GPC6: variants seen among roughly 807,000 people sequenced by gnomAD.
GPC6 encodes glypican-6.
GPC6 carries 14 observed loss-of-function variants against 55.2 expected under a neutral mutation model. The ratio of observed to expected loss-of-function variants is 0.25; its 90% confidence interval spans 0.17 to 0.40. The LOEUF is 0.40. Among genes scored for constraint, GPC6 ranks in the 10% least tolerant of loss-of-function variants. The pLI, the probability that GPC6 is intolerant of heterozygous loss-of-function variation, is 1.00. For missense variants in GPC6, 641 were observed against 708.5 expected, an observed-to-expected ratio of 0.90 and a Z score of 1.08; for synonymous variants, 278 against 259.6, an observed-to-expected ratio of 1.07 and a Z score of -0.68.
intron 2 of GPC6, among the ~76,000 whole-genome samples, chr13:93,694,629 A>G (rs906593621): frequency 3.9e-5 from 6 of 152,262 alleles, no homozygotes; most frequent in African/African-American, 1.2e-4. Flanking sequence ...GTTACACATC[A>G]CTGGTGGCCT....
chr13:93,305,906 C>G (rs1049323389), intron 1 of GPC6, among the ~76,000 whole-genome samples: 1 of 152,110 alleles, frequency 6.6e-6, no homozygotes, highest in Admixed American at 6.5e-5. Flanking sequence ...CCCATATGCA[C>G]TGAACTATAT....
chr13:93,429,945 C>G (rs1877295209), intron 1 of GPC6, among the ~76,000 whole-genome samples: 2 of 152,048 alleles, frequency 1.3e-5, no homozygotes, highest in South Asian at 4.2e-4. Context: ...ACGATTTGAC[C>G]AATATGAGAA....
intron 4 of GPC6, among the ~76,000 whole-genome samples, chr13:94,196,265 T>A (rs1889573176): frequency 1.3e-5 from 2 of 151,860 alleles, no homozygotes; most frequent in Non-Finnish European, 2.9e-5. Context: ...AACTAAGAAA[T>A]TTTTTAAAAT....
At chr13:94,192,054 TA>T (rs11381320) in intron 4 of GPC6, among the ~76,000 whole-genome samples, 142 of 151,952 alleles carry the variant, frequency 9.3e-4, no homozygotes, top group South Asian at 1.0e-3. Context: ...TGATTTTTAT[TA>T]AAAAAAATAG....
chr13:93,516,847 T>A (rs1453462930), intron 1 of GPC6, among the ~76,000 whole-genome samples: 1 of 152,000 alleles, frequency 6.6e-6, no homozygotes, highest in East Asian at 1.9e-4. Context: ...TTGAATTGGG[T>A]GGATATGCAG....
At chr13:94,281,815 T>C (rs1481538770) in intron 4 of GPC6, among the ~76,000 whole-genome samples, 1 of 152,186 alleles carries the variant, frequency 6.6e-6, no homozygotes, top group African/African-American at 2.4e-5. Flanking sequence ...GGAGAAATGG[T>C]TCCTCACCTG....
At chr13:93,481,731 C>T (rs759458514) in intron 1 of GPC6, among the ~76,000 whole-genome samples, 1 of 151,992 alleles carries the variant, frequency 6.6e-6, no homozygotes, top group Non-Finnish European at 1.5e-5. Context: ...GCACCCTTAG[C>T]CATACGGACA....
intron 1 of GPC6, among the ~76,000 whole-genome samples, chr13:93,439,630 C>T (rs1318870779): frequency 2.0e-5 from 3 of 150,964 alleles, no homozygotes; most frequent in Non-Finnish European, 2.9e-5. Flanking sequence ...CCATTACATT[C>T]TAGCCTGGGC....
chr13:94,183,725 A>C (rs1016862563), intron 4 of GPC6, among the ~76,000 whole-genome samples: 1 of 152,174 alleles, frequency 6.6e-6, no homozygotes, highest in Admixed American at 6.6e-5. Flanking sequence ...TGCCAACAGT[A>C]ATTGTTTCTT....
chr13:93,893,307 G>A (rs1206126067), intron 3 of GPC6, among the ~76,000 whole-genome samples: 9 of 151,970 alleles, frequency 5.9e-5, no homozygotes, highest in South Asian at 2.1e-4. Context: ...GATCCGCCTC[G>A]GCCTCCCAAG....
chr13:93,756,049 T>C (rs1479846745), intron 2 of GPC6, among the ~76,000 whole-genome samples: 1 of 152,138 alleles, frequency 6.6e-6, no homozygotes, highest in Non-Finnish European at 1.5e-5. Flanking sequence ...GGAAGAGGTG[T>C]ATATTTTGTT....
intron 6 of GPC6, among the ~76,000 whole-genome samples, chr13:94,315,727 C>T (rs1352033031): frequency 6.6e-6 from 1 of 152,144 alleles, no homozygotes. Context: ...CTAAGACAAA[C>T]CTTACATGAA....
Position 94,374,369 on chromosome 13 carries a change from G to A in GPC6, c.1153-8045G>A, listed in dbSNP as rs367654561. ...GGCTCAAAATAAAAGGATGGAGGAA[G>A]ATCTACCAAGCAAATGGAAAACAAA... is the stretch of plus-strand genomic sequence containing the variant. On this transcript the variant is annotated intron_variant, in intron 6 of 8. Transcript: ENST00000377047. Among the ~76,000 whole-genome samples, 710 of 150,988 alleles carry A rather than the reference G, an allele frequency of 4.7e-3. 17 individuals carry two copies. The East Asian group carries it at 0.073, about 16-fold the overall frequency.
intron 4 of GPC6, among the ~76,000 whole-genome samples, chr13:94,208,097 T>C (rs1889959380): frequency 6.6e-6 from 1 of 152,168 alleles, no homozygotes. Flanking sequence ...AGGACATTCA[T>C]TGTAGGTTGC....
At chr13:93,798,520 G>A (rs1160151786) in intron 2 of GPC6, among the ~76,000 whole-genome samples, 1 of 152,134 alleles carries the variant, frequency 6.6e-6, no homozygotes, top group Admixed American at 6.6e-5. Flanking sequence ...CATTTGCTGT[G>A]CTATGAAGGG....
chr13:94,260,708 G>T (rs1891632543), intron 4 of GPC6, among the ~76,000 whole-genome samples: 1 of 152,090 alleles, frequency 6.6e-6, no homozygotes, highest in African/African-American at 2.4e-5. Flanking sequence ...ACATCATAGG[G>T]CCTGGTGACT....
chr13:93,406,879 GA>G (rs2139239501), intron 1 of GPC6, among the ~76,000 whole-genome samples: 1 of 152,252 alleles, frequency 6.6e-6, no homozygotes, highest in African/African-American at 2.4e-5. Flanking sequence ...TCAATTTCAT[GA>G]AAGACAAGAC....
intron 1 of GPC6, among the ~76,000 whole-genome samples, chr13:93,536,067 T>C (rs1399732038): frequency 1.3e-5 from 2 of 152,048 alleles, no homozygotes; most frequent in Non-Finnish European, 2.9e-5. Flanking sequence ...GTGAGCAGAG[T>C]TTCCCCTGGG....
At chr13:93,709,700 T>C (rs1432281801) in intron 2 of GPC6, among the ~76,000 whole-genome samples, 6 of 151,774 alleles carry the variant, frequency 4.0e-5, no homozygotes, top group African/African-American at 1.4e-4. Flanking sequence ...AAAAAATACA[T>C]TGTGTATCTC....
Sources: gnomAD v4.1 joint callset for allele counts (sites outside exome capture counted in the v4.1 genomes callset) on GRCh38, gnomAD v4.1.1 for gene constraint, MANE v1.5 for transcripts, NCBI Gene and HGNC (gene_info 2026-07-23, HGNC 2026-07-21) for gene names.